Variants in BCKDHB observed in about 807,000 individuals in gnomAD.
The protein encoded by BCKDHB is branched chain keto acid dehydrogenase E1 subunit beta.
Under a neutral mutation model 48.5 loss-of-function variants are expected in BCKDHB, and 41 were observed. The ratio of observed to expected loss-of-function variants is 0.85; its 90% CI spans 0.66 to 1.10. The LOEUF (loss-of-function observed/expected upper bound fraction) is 1.10. Among genes scored for constraint, BCKDHB ranks in the 50% least tolerant of loss-of-function variants. BCKDHB has a pLI of 0.00. For synonymous variants in BCKDHB, 201 were observed against 174.8 expected (o/e 1.15, Z -1.18); for missense variants, 496 against 494.2 (o/e 1.00, Z -0.03).
chr6:80,171,809 T>C lies in BCKDHB; in HGVS notation c.742+419T>C, dbSNP rs754345575. Among the ~76,000 whole-genome samples, 4 of 152,146 alleles carry C rather than the reference T, an allele frequency of 2.6e-5. No homozygotes were observed. In the South Asian group the frequency reaches 8.3e-4, roughly 32 times the overall value. On this transcript the variant is annotated intron_variant, in intron 6 of 9. Transcript: ENST00000320393. The stretch of plus-strand genomic sequence containing the variant: ...GTGAAGGAGGTGCTGTTAACAATTA[T>C]GCTGTGCTGTCAGGTCTATGCTGGG...
At chr6:80,432,298 C>G in the BCKDHB span, among the ~76,000 whole-genome samples, 1 of 152,204 alleles carries the variant, frequency 6.6e-6, no homozygotes, top group Middle Eastern at 3.4e-3. Context: ...TACATTCTGC[C>G]CATCAATTTC....
the BCKDHB span, among the ~76,000 whole-genome samples, chr6:80,407,831 T>G: frequency 5.3e-5 from 8 of 152,322 alleles, no homozygotes; most frequent in South Asian, 1.7e-3. Flanking sequence ...CTTTTTCTAA[T>G]TGAATACCCT....
At chr6:80,176,072 C>T (rs1479805829) in intron 6 of BCKDHB, among the ~76,000 whole-genome samples, 2 of 152,068 alleles carry the variant, frequency 1.3e-5, no homozygotes, top group South Asian at 2.1e-4. Flanking sequence ...TTTGAATAGC[C>T]TGTTTATATG....
the BCKDHB span, among the ~76,000 whole-genome samples, chr6:80,437,926 C>G: frequency 1.3e-5 from 2 of 152,204 alleles, no homozygotes; most frequent in African/African-American, 4.8e-5. Flanking sequence ...TGCAAATCCC[C>G]TTTTCCTTGC....
chr6:80,239,713 T>A (rs1359137215), intron 8 of BCKDHB, among the ~76,000 whole-genome samples: 1 of 152,178 alleles, frequency 6.6e-6, no homozygotes, highest in Non-Finnish European at 1.5e-5. Flanking sequence ...CTAGGTTTTC[T>A]TCTAGGGTTT....
At chr6:80,416,893 T>C in the BCKDHB span, among the ~76,000 whole-genome samples, 1 of 151,952 alleles carries the variant, frequency 6.6e-6, no homozygotes, top group Non-Finnish European at 1.5e-5. Flanking sequence ...TTTGATGCTG[T>C]ACTATGCTCT....
chr6:80,136,227 G>A (rs1770875844), intron 3 of BCKDHB, among the ~76,000 whole-genome samples: 1 of 152,108 alleles, frequency 6.6e-6, no homozygotes, highest in African/African-American at 2.4e-5. Context: ...CTGCAAAGCT[G>A]TAGTTATCAA....
At chr6:80,358,350 A>G in the BCKDHB span, among the ~76,000 whole-genome samples, 1 of 152,106 alleles carries the variant, frequency 6.6e-6, no homozygotes, top group Non-Finnish European at 1.5e-5. Flanking sequence ...TCAGGCTATG[A>G]GTTGTTACTT....
the BCKDHB span, among the ~76,000 whole-genome samples, chr6:80,385,241 C>T: frequency 1.3e-5 from 2 of 152,148 alleles, no homozygotes; most frequent in Non-Finnish European, 2.9e-5. Context: ...TAAGATTGCC[C>T]TGAGTGAGAG....
At chr6:80,193,241 T>G (rs139611611) in intron 6 of BCKDHB, among the ~76,000 whole-genome samples, 17 of 152,338 alleles carry the variant, frequency 1.1e-4, no homozygotes, top group African/African-American at 2.9e-4. Flanking sequence ...CATTTGAGTT[T>G]AAGTGGGTCC....
chr6:80,292,062 T>C (rs957820086), intron 9 of BCKDHB, among the ~76,000 whole-genome samples: 1 of 152,158 alleles, frequency 6.6e-6, no homozygotes, highest in Non-Finnish European at 1.5e-5. Flanking sequence ...GGTCTGAAGA[T>C]AACTTGGGGC....
chr6:80,371,836 C>T, the BCKDHB span, among the ~76,000 whole-genome samples: 6 of 152,150 alleles, frequency 3.9e-5, no homozygotes, highest in African/African-American at 1.2e-4. Flanking sequence ...TTCCATTGGT[C>T]TATATACCTA....
At chr6:80,459,320 T>C in the BCKDHB span, among the ~76,000 whole-genome samples, 1 of 152,160 alleles carries the variant, frequency 6.6e-6, no homozygotes, top group Non-Finnish European at 1.5e-5. Flanking sequence ...GGAAATTCTT[T>C]AAGATGCAAT....
At chr6:80,207,079 G>C (rs1774700789) in intron 8 of BCKDHB, among the ~76,000 whole-genome samples, 1 of 151,920 alleles carries the variant, frequency 6.6e-6, no homozygotes, top group Non-Finnish European at 1.5e-5. Flanking sequence ...ACTAAAAGAA[G>C]GTACTGCAAG....
the BCKDHB span, among the ~76,000 whole-genome samples, chr6:80,437,378 C>CTTT: frequency 1.3e-5 from 2 of 151,844 alleles, no homozygotes; most frequent in African/African-American, 4.8e-5. Flanking sequence ...TATCCGCTGC[C>CTTT]TTTTTTTTGC....
the BCKDHB span, among the ~76,000 whole-genome samples, chr6:80,385,796 A>G: frequency 1.3e-5 from 2 of 152,208 alleles, no homozygotes; most frequent in Non-Finnish European, 2.9e-5. Flanking sequence ...TCGAATTTAT[A>G]TAAACAGGAA....
rs143556900 is a variant in BCKDHB, at chr6:80,219,545, A to G, written c.951+16333A>G. ...CTAATTTCCTTTTCCAGTCTTGACT[A>G]CCCTTCTCTATACCTGCTGCACAAC... On this transcript the variant is annotated intron_variant, in intron 8 of 9. Coordinates refer to ENST00000320393, the MANE Select transcript of BCKDHB (RefSeq NM_183050.4). 7.3e-4 allele frequency among the ~76,000 whole-genome samples: 111 copies of G among 152,120 alleles called. No individual in the cohort carries two copies. The East Asian group carries it at 0.017, about 24-fold the overall frequency.
chr6:80,143,146 G>C (rs1316123899), intron 3 of BCKDHB, among the ~76,000 whole-genome samples: 1 of 152,080 alleles, frequency 6.6e-6, no homozygotes, highest in Non-Finnish European at 1.5e-5. Flanking sequence ...AGATCACAAA[G>C]TCCGTTAAAT....
At chr6:80,414,514 T>A in the BCKDHB span, among the ~76,000 whole-genome samples, 1 of 151,992 alleles carries the variant, frequency 6.6e-6, no homozygotes, top group Non-Finnish European at 1.5e-5. Context: ...ATGGGTAGGC[T>A]GTTATCCCAG....
Sources: allele counts gnomAD v4.1 joint callset (sites outside exome capture counted in the v4.1 genomes callset), GRCh38; gene constraint gnomAD v4.1.1; transcripts MANE v1.5; gene names NCBI Gene and HGNC (gene_info 2026-07-23, HGNC 2026-07-21).